The following CSMD3 variants were observed in gnomAD, a reference collection of about 807,000 sequenced individuals.
CSMD3 encodes CUB and Sushi multiple domains 3, also known as CUB and sushi domain-containing protein 3.
CSMD3 carries 177 observed loss-of-function variants against 435.2 expected under a neutral mutation model. The ratio of observed to expected loss-of-function variants is 0.41; its 90% CI spans 0.36 to 0.46. CSMD3 has a LOEUF of 0.46. Among genes scored for constraint, CSMD3 ranks in the 20% least tolerant of loss-of-function variants. The pLI, the probability that CSMD3 is intolerant of heterozygous loss-of-function variation, is 0.34. For missense variants in CSMD3, 4,265 were observed against 4,504.6 expected, an observed-to-expected ratio of 0.95 and a Z score of 1.52; for synonymous variants, 1,656 against 1,520.5, an observed-to-expected ratio of 1.09 and a Z score of -2.07.
chr8:112,775,241 G>T (rs1267260999), intron 13 of CSMD3, among the ~76,000 whole-genome samples: 2 of 151,170 alleles, frequency 1.3e-5, no homozygotes, highest in Non-Finnish European at 3.0e-5. Flanking sequence ...TATGTTAATG[G>T]GTATACATTT....
intron 32 of CSMD3, among the ~76,000 whole-genome samples, chr8:112,455,797 T>A (rs1816778606): frequency 6.6e-6 from 1 of 151,864 alleles, no homozygotes; most frequent in Non-Finnish European, 1.5e-5. Flanking sequence ...TTACACAGCA[T>A]GTTGCCTCAG....
chr8:112,464,236 T>TTAAAAAAAAAA (rs1817729945), intron 32 of CSMD3, among the ~76,000 whole-genome samples: 1 of 117,940 alleles, frequency 8.5e-6, no homozygotes, highest in African/African-American at 3.7e-5. Context: ...AGACTCTGTT[T>TTAAAAAAAAAA]CAAAAAAAAA....
intron 1 of CSMD3, among the ~76,000 whole-genome samples, chr8:113,325,774 G>C (rs1045665977): frequency 4.6e-5 from 7 of 152,172 alleles, no homozygotes; most frequent in African/African-American, 1.7e-4. Flanking sequence ...GGGTCTCTCA[G>C]TCACAGAAAG....
intron 4 of CSMD3, among the ~76,000 whole-genome samples, chr8:113,138,652 T>G (rs2091474538): frequency 6.6e-6 from 1 of 151,174 alleles, no homozygotes; most frequent in Non-Finnish European, 1.5e-5. Context: ...TCATAAGGGG[T>G]TGTGTTATCG....
At position 112,254,275 on chromosome 8, in the gene CSMD3, T is replaced by G. The variant is rs776252111; in HGVS notation, c.10088A>C (p.Gln3363Pro). 1.4e-5 allele frequency: 22 copies of G among 1,611,956 alleles called. No homozygotes were observed. Among genetic ancestry groups the G allele is most frequent in the Non-Finnish European group, 1.9e-5 (22 of 1,178,388 alleles). Residue 3363 changes from glutamine (Q) to proline (P), a missense_variant, in exon 63 of 71, where the codon CAG (glutamine) becomes CCG (proline). Gln to Pro is a moderately conservative substitution (Grantham distance 76, BLOSUM62 -1). Coordinates refer to ENST00000297405, the MANE Select transcript of CSMD3 (RefSeq NM_198123.2). ...ENPGVPRHGS[Q>P]NNTFGFQVGS... The stretch of plus-strand genomic sequence containing the variant: ...CACTTGAAATCCGAATGTATTGTTC[T>G]GAGATCCATGCCGAGGCACACCTGG...
intron 11 of CSMD3, among the ~76,000 whole-genome samples, chr8:112,842,524 G>A (rs1285328321): frequency 7.0e-6 from 1 of 142,922 alleles, no homozygotes; most frequent in African/African-American, 2.6e-5. Flanking sequence ...AGTTACAATA[G>A]TAATATTATT....
At chr8:113,293,083 T>C (rs1422931015) in intron 2 of CSMD3, among the ~76,000 whole-genome samples, 1 of 151,894 alleles carries the variant, frequency 6.6e-6, no homozygotes, top group Non-Finnish European at 1.5e-5. Context: ...CTAGCTATGT[T>C]ATATGCACAT....
At chr8:112,976,789 ATATTT>A (rs2084864789) in intron 6 of CSMD3, among the ~76,000 whole-genome samples, 1 of 152,090 alleles carries the variant, frequency 6.6e-6, no homozygotes, top group Non-Finnish European at 1.5e-5. Flanking sequence ...TTTTTAAGTA[ATATTT>A]TAGTTTAACC....
At chr8:112,661,666 A>G (rs1240678506) in intron 17 of CSMD3, among the ~76,000 whole-genome samples, 1 of 152,106 alleles carries the variant, frequency 6.6e-6, no homozygotes, top group Non-Finnish European at 1.5e-5. Flanking sequence ...GCTTAAACTA[A>G]TTTTCTAGTC....
chr8:112,491,961 A>C (rs985476448), intron 31 of CSMD3, among the ~76,000 whole-genome samples: 2 of 152,176 alleles, frequency 1.3e-5, no homozygotes, highest in African/African-American at 2.4e-5. Context: ...ATATAGAGAG[A>C]GTTATATACA....
At chr8:112,253,468 C>T (rs1048352360) in intron 63 of CSMD3, among the ~76,000 whole-genome samples, 4 of 151,930 alleles carry the variant, frequency 2.6e-5, no homozygotes, top group Middle Eastern at 3.4e-3. Flanking sequence ...TTAGATGAGC[C>T]CTTCCTTTAG....
At chr8:112,516,984 A>T (rs2130986180) in intron 28 of CSMD3, 50 bp downstream of exon 28, 2 of 1,400,382 alleles carry the variant, frequency 1.4e-6, no homozygotes, top group Non-Finnish European at 2.0e-6. Flanking sequence ...ACCAGTTTTT[A>T]ACCATTGTTT....
At chr8:112,560,782 A>T (rs1828551710) in intron 24 of CSMD3, among the ~76,000 whole-genome samples, 1 of 151,708 alleles carries the variant, frequency 6.6e-6, no homozygotes, top group Non-Finnish European at 1.5e-5. Context: ...CTGCATACTT[A>T]ATACTACATT....
intron 9 of CSMD3, among the ~76,000 whole-genome samples, chr8:112,924,001 C>A (rs537583883): frequency 6.6e-6 from 1 of 151,176 alleles, no homozygotes; most frequent in Admixed American, 6.6e-5. Context: ...AAGAAAAATA[C>A]TAATGTGATT....
chr8:112,451,631 C>T (rs944348566), intron 32 of CSMD3, among the ~76,000 whole-genome samples: 6 of 151,944 alleles, frequency 3.9e-5, no homozygotes, highest in East Asian at 1.9e-4. Flanking sequence ...CTCCGCCTCC[C>T]GGGTTCAAGC....
intron 27 of CSMD3, among the ~76,000 whole-genome samples, chr8:112,533,407 G>C (rs1028673096): frequency 6.6e-6 from 1 of 151,878 alleles, no homozygotes; most frequent in African/African-American, 2.4e-5. Context: ...TGCATATACT[G>C]AATGTGAAGG....
rs183949795 is a variant in CSMD3 at position 112,406,831 on chromosome 8, C to G, written c.5606-104G>C. The G allele has an allele frequency of 1.9e-5, 12 of 635,438 alleles. No homozygotes were observed. In the Admixed American group the frequency reaches 3.2e-4, roughly 17 times the overall value. 39.4% of individuals were successfully genotyped at this position (635,438 alleles called of 1,614,324 possible). A position where few individuals can be genotyped will look rare whatever the true frequency, so the allele number is the denominator to read the frequency against. ...TTTTTGAGAAATCATCACTTTTTAT[C>G]AGAACTTGAATTAACAATTTGAATA... is the stretch of plus-strand genomic sequence containing the variant. On this transcript the variant is annotated intron_variant, in intron 34 of 70. Transcript: ENST00000297405.
chr8:112,771,171 G>A (rs1234468131), intron 13 of CSMD3, among the ~76,000 whole-genome samples: 2 of 152,060 alleles, frequency 1.3e-5, no homozygotes, highest in East Asian at 1.9e-4. Flanking sequence ...CACCTGCAAG[G>A]AGAAAGTCAA....
At chr8:113,039,134 ACT>A (rs536349428) in intron 5 of CSMD3, among the ~76,000 whole-genome samples, 8 of 152,222 alleles carry the variant, frequency 5.3e-5, no homozygotes, top group African/African-American at 1.7e-4. Flanking sequence ...ATGGTATATA[ACT>A]CTATAAATTT....
Sources: gnomAD v4.1 joint callset for allele counts (sites outside exome capture counted in the v4.1 genomes callset) on GRCh38, gnomAD v4.1.1 for gene constraint, MANE v1.5 for transcripts, NCBI Gene and HGNC (gene_info 2026-07-23, HGNC 2026-07-21) for gene names.